Variants in TMEM116 observed in about 807,000 individuals in gnomAD.
The protein encoded by TMEM116 is transmembrane protein 116.
In TMEM116, 38 loss-of-function variants were observed where a neutral mutation model predicts 44.3. The observed-to-expected ratio is 0.86, with a 90% CI of 0.66 to 1.12. The LOEUF (loss-of-function observed/expected upper bound fraction) is 1.12. TMEM116 is among the 50% of genes most tolerant of loss of function. TMEM116 has a pLI of 0.00. For missense variants in TMEM116, 354 were observed against 401.7 expected (o/e 0.88, Z 1.01); for synonymous variants, 132 against 144.8 (o/e 0.91, Z 0.64).
intron 4 of TMEM116, among the ~76,000 whole-genome samples, chr12:111,967,034 G>A (rs9630276): frequency 0.36 from 54,095 of 152,040 alleles, 14,115 homozygotes; most frequent in East Asian, 0.85. Context: ...TTGGTATAGT[G>A]CTTAGTTTAA....
intron 4 of TMEM116, among the ~76,000 whole-genome samples, chr12:111,990,233 C>T (rs960043137): frequency 2.0e-5 from 3 of 147,956 alleles, no homozygotes; most frequent in South Asian, 2.1e-4. Context: ...CCAGCATCAG[C>T]GACAGAGCGA....
At chr12:111,993,303 G>T in intron 3 of TMEM116, 1 of 475,966 alleles carries the variant, frequency 2.1e-6, no homozygotes. Flanking sequence ...CATATTTAAT[G>T]GATTCTCAGT....
At chr12:111,968,103 C>A (rs2136434314) in intron 4 of TMEM116, among the ~76,000 whole-genome samples, 1 of 152,226 alleles carries the variant, frequency 6.6e-6, no homozygotes, top group East Asian at 1.9e-4. Flanking sequence ...CAGAGAACCT[C>A]ATAGATTTGC....
chr12:111,991,014 A>T (rs2076532733), intron 4 of TMEM116, among the ~76,000 whole-genome samples: 1 of 151,980 alleles, frequency 6.6e-6, no homozygotes, highest in Non-Finnish European at 1.5e-5. Context: ...AGGTCAAGAG[A>T]TCGAGACCAT....
At chr12:111,996,145 T>C (rs1467465986) in intron 3 of TMEM116, among the ~76,000 whole-genome samples, 3 of 151,710 alleles carry the variant, frequency 2.0e-5, no homozygotes, top group Non-Finnish European at 4.4e-5. Context: ...GAGAATGTCT[T>C]CAATTTTTGT....
intron 4 of TMEM116, among the ~76,000 whole-genome samples, chr12:111,986,962 C>T (rs1045279132): frequency 2.6e-5 from 4 of 151,998 alleles, no homozygotes; most frequent in East Asian, 1.9e-4. Context: ...GAAAATATAG[C>T]GTAAAAGCTT....
chr12:112,007,374 A>G lies in TMEM116; in HGVS notation c.-33-2071T>C, dbSNP rs181588741. Among the ~76,000 whole-genome samples the G allele has an allele frequency of 6.7e-3, 1,027 of 152,346 alleles. 9 individuals are homozygous for G. The highest frequency in any genetic ancestry group is 8.9e-3 in the Non-Finnish European group (605 of 68,036). On this transcript the variant is annotated intron_variant, in intron 1 of 10. Transcript: ENST00000552374. ...GGTTGCAATGAGCTGAGATCATGAC[A>G]CTGCACTCCAGCCTGGATGACAGAG...
At chr12:111,965,875 G>C (rs1044703401) in intron 4 of TMEM116, 6 of 210,732 alleles carry the variant, frequency 2.8e-5, no homozygotes, top group Middle Eastern at 2.0e-3. Context: ...GGCGGAGGTT[G>C]CAATGAGCTG....
rs548501183 is a variant in TMEM116, at chr12:111,949,886, G to A, written c.211-6517C>T. Reference sequence around the variant, plus strand: ...TCCCAGCACTTTGGAAGACCGAGGCGGGTGGATCACCTGAGGTCAGGAGTT... The same window carrying A: ...TCCCAGCACTTTGGAAGACCGAGGCAGGTGGATCACCTGAGGTCAGGAGTT... On this transcript the variant is annotated intron_variant, in intron 4 of 10. Transcript: ENST00000552374. 3.3e-4 allele frequency among the ~76,000 whole-genome samples: 50 copies of A among 152,244 alleles called. No individual in the cohort carries two copies. In the South Asian group the frequency reaches 8.5e-3, roughly 26 times the overall value.
chr12:111,941,949 ATTTTTT>A (rs1331013894), intron 5 of TMEM116, among the ~76,000 whole-genome samples: 1 of 151,986 alleles, frequency 6.6e-6, no homozygotes, highest in African/African-American at 2.4e-5. Flanking sequence ...TTTTATTTTT[ATTTTTT>A]TAGACAGAGT....
chr12:111,996,069 C>A (rs1180200760), intron 3 of TMEM116, among the ~76,000 whole-genome samples: 6 of 149,584 alleles, frequency 4.0e-5, no homozygotes, highest in Non-Finnish European at 5.9e-5. Context: ...AAAATCTATT[C>A]CAAGTAGTTT....
At chr12:111,954,003 C>T (rs766885500) in intron 4 of TMEM116, among the ~76,000 whole-genome samples, 14 of 152,238 alleles carry the variant, frequency 9.2e-5, no homozygotes, top group Non-Finnish European at 1.3e-4. Flanking sequence ...TTTAATTACA[C>T]ATCAGTATTA....
chr12:112,005,857 G>T, intron 1 of TMEM116: 1 of 906,236 alleles, frequency 1.1e-6, no homozygotes, highest in Non-Finnish European at 1.3e-6. Flanking sequence ...AGAAAAGTTA[G>T]TAGTATGAAA....
At chr12:111,936,956 TCC>T in intron 7 of TMEM116, 126 bp from the exon 8 acceptor site, 1 of 1,096,446 alleles carries the variant, frequency 9.1e-7, no homozygotes, top group Non-Finnish European at 1.3e-6. Context: ...ACCTTGTCTC[TCC>T]CCCACAGACA....
At chr12:111,938,015 G>C in intron 6 of TMEM116, 146 bp downstream of exon 6, 1 of 456,316 alleles carries the variant, frequency 2.2e-6, no homozygotes, top group African/African-American at 2.0e-5. Flanking sequence ...TGGAAGCAAT[G>C]AACACGTATT....
intron 4 of TMEM116, among the ~76,000 whole-genome samples, chr12:111,989,374 A>G (rs1053189575): frequency 6.6e-6 from 1 of 152,218 alleles, no homozygotes; most frequent in African/African-American, 2.4e-5. Flanking sequence ...CAGCCAGGAA[A>G]AGGGACGCTT....
chr12:111,938,603 T>C (rs1031708138), intron 5 of TMEM116, among the ~76,000 whole-genome samples: 1 of 152,220 alleles, frequency 6.6e-6, no homozygotes, highest in African/African-American at 2.4e-5. Context: ...ATGTGTGGAC[T>C]TCTTCAGACT....
At chr12:111,940,519 ATGTG>A (rs1162947796) in intron 5 of TMEM116, among the ~76,000 whole-genome samples, 10 of 110,640 alleles carry the variant, frequency 9.0e-5, no homozygotes, top group Middle Eastern at 4.7e-3. Flanking sequence ...ACACATATAT[ATGTG>A]TATATATATA....
At chr12:111,934,178 C>CT (rs1030398641) in intron 8 of TMEM116, 148 bp from the exon 9 acceptor site, 68 of 988,332 alleles carry the variant, frequency 6.9e-5, no homozygotes, top group South Asian at 1.7e-4. Flanking sequence ...TGAGATCAGG[C>CT]TTTTTTTTAA....
Sources: gnomAD v4.1 joint callset for allele counts (sites outside exome capture counted in the v4.1 genomes callset) on GRCh38, gnomAD v4.1.1 for gene constraint, MANE v1.5 for transcripts, NCBI Gene and HGNC (gene_info 2026-07-23, HGNC 2026-07-21) for gene names.